The following IL18R1 variants were observed in gnomAD, a reference collection of about 807,000 sequenced individuals.
The protein encoded by IL18R1 is interleukin 18 receptor 1, also known as interleukin-18 receptor 1.
A neutral mutation model predicts 48.5 loss-of-function variants in IL18R1; 40 were observed. That is an observed-to-expected ratio of 0.82 (90% confidence interval 0.64 to 1.07). The LOEUF is 1.07. Ranked by LOEUF, IL18R1 falls within the 50% of genes least tolerant of loss-of-function variation. The probability of loss-of-function intolerance (pLI) is 0.00; values close to 1 mark genes in which losing one functional copy is unlikely to be tolerated. For missense variants in IL18R1, 596 were observed against 633.7 expected (o/e 0.94, Z 0.64); for synonymous variants, 232 against 225.9 (o/e 1.03, Z -0.24).
At chr2:102,385,145 T>C (rs944085615) in intron 7 of IL18R1, 147 bp downstream of exon 7, 6 of 450,526 alleles carry the variant, frequency 1.3e-5, no homozygotes, top group African/African-American at 4.1e-5. Flanking sequence ...TTTATAATTA[T>C]AGTGGCCATA....
At chr2:102,393,817 A>G (rs575846712) in intron 9 of IL18R1, among the ~76,000 whole-genome samples, 22 of 152,294 alleles carry the variant, frequency 1.4e-4, no homozygotes, top group African/African-American at 5.1e-4. Context: ...TCCTCCTTTC[A>G]GAAAGCATGT....
chr2:102,384,762 T>C, intron 6 of IL18R1, 116 bp from the exon 7 acceptor site: 1 of 1,113,552 alleles, frequency 9.0e-7, no homozygotes, highest in Non-Finnish European at 1.3e-6. Context: ...TTATTCTCTT[T>C]CTGGGATGGA....
chr2:102,371,120 G>A (rs554845659), intron 3 of IL18R1, among the ~76,000 whole-genome samples: 49 of 151,552 alleles, frequency 3.2e-4, no homozygotes, highest in Non-Finnish European at 5.7e-4. Context: ...GCAATGGCGC[G>A]ATCTCCACTC....
At position 102,381,688 on chromosome 2, in the gene IL18R1, T is replaced by C; in HGVS notation, c.688+6T>C. 2 of 1,591,504 alleles carry C rather than the reference T, an allele frequency of 1.3e-6. No homozygotes were observed. Among genetic ancestry groups the C allele is most frequent in the South Asian group, 1.1e-5 (1 of 90,544 alleles). ...CCATGTTGCAGTGGAATTAGGTATA[T>C]TTCAATATACATATATTCTGCATTT... On this transcript the variant is annotated splice_donor_region_variant and intron_variant, in intron 6 of 10. Transcript: ENST00000233957.
At chr2:102,393,727 A>G (rs1379947367) in intron 9 of IL18R1, among the ~76,000 whole-genome samples, 1 of 152,180 alleles carries the variant, frequency 6.6e-6, no homozygotes, top group East Asian at 1.9e-4. Context: ...ATAAAGGTAG[A>G]CCATTCCCCA....
chr2:102,387,906 G>A (rs1466800731), intron 8 of IL18R1, among the ~76,000 whole-genome samples: 2 of 152,042 alleles, frequency 1.3e-5, no homozygotes, highest in African/African-American at 2.4e-5. Context: ...GACACAGAGA[G>A]ACAGAGAAAT....
At chr2:102,379,198 C>G (rs984650260) in intron 5 of IL18R1, among the ~76,000 whole-genome samples, 1 of 152,150 alleles carries the variant, frequency 6.6e-6, no homozygotes, top group South Asian at 2.1e-4. Context: ...AATCCTAGCA[C>G]TTTGGGAGGC....
chr2:102,388,262 A>G (rs1040061000), intron 8 of IL18R1, among the ~76,000 whole-genome samples: 4 of 152,218 alleles, frequency 2.6e-5, no homozygotes, highest in South Asian at 2.1e-4. Flanking sequence ...CATCCCATAC[A>G]TGTTAATTAC....
chr2:102,389,964 G>C, intron 8 of IL18R1, 92 bp from the exon 9 acceptor site: 1 of 1,233,708 alleles, frequency 8.1e-7, no homozygotes, highest in Non-Finnish European at 1.2e-6. Flanking sequence ...CTGCATTAGT[G>C]TTAGCAGTAA....
chr2:102,372,712 C>G lies in IL18R1; in HGVS notation c.468+594C>G, dbSNP rs148535615. 1.3e-4 allele frequency among the ~76,000 whole-genome samples: 20 copies of G among 152,228 alleles called. 1 individual carries two copies. In the East Asian group the frequency reaches 3.9e-3, roughly 29 times the overall value. ...TCCCTTCACATCTTTAAATGATCTT[C>G]TAAACATGGGCTTTCAGTTTTTATG... On this transcript the variant is annotated intron_variant, in intron 4 of 10. Coordinates refer to ENST00000233957, the MANE Select transcript of IL18R1 (RefSeq NM_003855.5).
At chr2:102,363,498 A>G (rs2105033912) in intron 2 of IL18R1, among the ~76,000 whole-genome samples, 1 of 152,338 alleles carries the variant, frequency 6.6e-6, no homozygotes, top group East Asian at 1.9e-4. Flanking sequence ...CCCTACCCAG[A>G]TGATAAAAGA....
chr2:102,383,670 A>G (rs1680046457), intron 6 of IL18R1, among the ~76,000 whole-genome samples: 1 of 151,960 alleles, frequency 6.6e-6, no homozygotes, highest in Non-Finnish European at 1.5e-5. Context: ...TTTGTTCTAT[A>G]CATAAGTGTC....
chr2:102,375,563 GT>G (rs1297235399), intron 4 of IL18R1, among the ~76,000 whole-genome samples: 1 of 152,132 alleles, frequency 6.6e-6, no homozygotes, highest in Non-Finnish European at 1.5e-5. Context: ...GGTTTTTGAA[GT>G]AGTGTTCTCT....
intron 2 of IL18R1, among the ~76,000 whole-genome samples, chr2:102,365,531 TG>T (rs1339381544): frequency 6.6e-6 from 1 of 152,186 alleles, no homozygotes; most frequent in African/African-American, 2.4e-5. Context: ...TTCAAGTGCA[TG>T]GTGCAAGCTG....
chr2:102,364,940 C>T (rs1678799049), intron 2 of IL18R1, among the ~76,000 whole-genome samples: 1 of 152,106 alleles, frequency 6.6e-6, no homozygotes. Flanking sequence ...AGGGTAATCA[C>T]CCCCATGATT....
chr2:102,358,788 A>T (rs1181348749), intron 1 of IL18R1, among the ~76,000 whole-genome samples: 1 of 152,194 alleles, frequency 6.6e-6, no homozygotes, highest in Non-Finnish European at 1.5e-5. Context: ...CATACTTTCC[A>T]AGATATCATG....
intron 7 of IL18R1, among the ~76,000 whole-genome samples, chr2:102,386,543 G>C (rs1405557960): frequency 3.3e-5 from 5 of 152,218 alleles, no homozygotes; most frequent in African/African-American, 1.2e-4. Context: ...TTGTTAGGAA[G>C]AGAGAAGTAG....
rs1275434452 is a variant in IL18R1, at chr2:102,376,061, A to G, written c.623A>G (p.Glu208Gly). Residue 208 changes from glutamate to glycine, a missense_variant and splice_region_variant, in exon 5 of 11, where the codon GAA (glutamate) becomes GGA (glycine). By Grantham distance (98) the Glu-to-Gly change is moderately conservative (BLOSUM62 -2). Transcript: ENST00000233957. ...ITKTFNITIV[E>G]DRSNIVPVLL... ...AAAACCTTCAATATAACAATAGTGG[A>G]AGGTAAGGGAAATCTTAGAATTGGG... 1 of 1,561,896 alleles carries G rather than the reference A, an allele frequency of 6.4e-7. No homozygotes were observed. Among genetic ancestry groups the G allele is most frequent in the East Asian group, 2.3e-5 (1 of 43,490 alleles).
At chr2:102,388,324 CA>C (rs1680360868) in intron 8 of IL18R1, among the ~76,000 whole-genome samples, 2 of 152,218 alleles carry the variant, frequency 1.3e-5, no homozygotes, top group Non-Finnish European at 2.9e-5. Flanking sequence ...GTCTTAACGA[CA>C]AGCTTTATAG....
Sources: gnomAD v4.1 joint callset for allele counts (sites outside exome capture counted in the v4.1 genomes callset) on GRCh38, gnomAD v4.1.1 for gene constraint, MANE v1.5 for transcripts, NCBI Gene and HGNC (gene_info 2026-07-23, HGNC 2026-07-21) for gene names.